The following CLSTN2 variants were observed in gnomAD, a reference collection of about 807,000 sequenced individuals.
The protein encoded by CLSTN2 is calsyntenin 2.
CLSTN2 carries 48 observed loss-of-function variants against 101.2 expected under a neutral mutation model. That is an observed-to-expected ratio of 0.47 (90% CI 0.38 to 0.60). CLSTN2 has a LOEUF of 0.60. Among genes scored for constraint, CLSTN2 ranks in the 20% least tolerant of loss-of-function variants. CLSTN2 has a pLI of 0.00. For missense variants in CLSTN2, 1,160 were observed against 1,238.2 expected (o/e 0.94, Z 0.95); for synonymous variants, 481 against 463.6 (o/e 1.04, Z -0.48).
chr3:140,013,260 T>C (rs1022494804), intron 1 of CLSTN2, among the ~76,000 whole-genome samples: 5 of 152,214 alleles, frequency 3.3e-5, no homozygotes, highest in African/African-American at 1.2e-4. Context: ...AATCCATGAA[T>C]CTAATTGTGA....
At chr3:139,943,474 A>G (rs1405912775) in intron 1 of CLSTN2, among the ~76,000 whole-genome samples, 1 of 152,042 alleles carries the variant, frequency 6.6e-6, no homozygotes, top group Non-Finnish European at 1.5e-5. Flanking sequence ...TAAGGTTTTT[A>G]AGAATAGCTT....
intron 8 of CLSTN2, among the ~76,000 whole-genome samples, chr3:140,529,489 T>G (rs1935212062): frequency 6.6e-6 from 1 of 152,226 alleles, no homozygotes; most frequent in Non-Finnish European, 1.5e-5. Flanking sequence ...TGCTGAATTT[T>G]CTTCTTTCTT....
intron 2 of CLSTN2, among the ~76,000 whole-genome samples, chr3:140,240,085 A>G (rs1376137864): frequency 3.0e-5 from 4 of 134,108 alleles, no homozygotes; most frequent in Non-Finnish European, 3.2e-5. Flanking sequence ...CATTTCCTCA[A>G]CCTCCAGCCT....
intron 1 of CLSTN2, among the ~76,000 whole-genome samples, chr3:140,045,880 A>G (rs1034674104): frequency 6.6e-6 from 1 of 152,166 alleles, no homozygotes; most frequent in African/African-American, 2.4e-5. Flanking sequence ...GTGGTCTGAG[A>G]GACAGTTTGT....
In CLSTN2 at chr3:140,575,109, A is replaced by G. The variant is rs1191040145; in HGVS notation, c.*8856A>G. On this transcript the variant is annotated 3_prime_UTR_variant, in exon 17 of 17. Coordinates refer to ENST00000458420, the MANE Select transcript of CLSTN2 (RefSeq NM_022131.3). ...TGTGGGATTCAGAAGAGGTCTGCTCATGTTCACTAGCCAAACTTTAGGTGG... is the reference window on the plus strand; with the variant it reads ...TGTGGGATTCAGAAGAGGTCTGCTCGTGTTCACTAGCCAAACTTTAGGTGG... The G allele has an allele frequency of 6.6e-6, 1 of 152,232 alleles. No homozygotes were observed. Among genetic ancestry groups the G allele is most frequent in the African/African-American group, 2.4e-5 (1 of 41,446 alleles). 9.4% of individuals were successfully genotyped at this position (152,232 alleles called of 1,614,324 possible).
chr3:140,037,789 A>T (rs1296992977), intron 1 of CLSTN2, among the ~76,000 whole-genome samples: 1 of 152,154 alleles, frequency 6.6e-6, no homozygotes, highest in Non-Finnish European at 1.5e-5. Flanking sequence ...AATTGAGAAC[A>T]TGTGGTGTTT....
chr3:140,451,433 A>G (rs1459716425), intron 6 of CLSTN2, among the ~76,000 whole-genome samples: 3 of 152,108 alleles, frequency 2.0e-5, no homozygotes, highest in Non-Finnish European at 4.4e-5. Flanking sequence ...TGGAGTTGGG[A>G]GCTGCCCTTT....
chr3:140,055,520 A>G (rs2008080643), intron 1 of CLSTN2, among the ~76,000 whole-genome samples: 1 of 152,242 alleles, frequency 6.6e-6, no homozygotes, highest in Non-Finnish European at 1.5e-5. Flanking sequence ...ACCAACCTGC[A>G]GGTTAACAAA....
At chr3:140,270,901 C>T (rs1478245831) in intron 2 of CLSTN2, among the ~76,000 whole-genome samples, 2 of 152,180 alleles carry the variant, frequency 1.3e-5, no homozygotes, top group Non-Finnish European at 2.9e-5. Flanking sequence ...TATCATCATG[C>T]TTCTCCAACA....
intron 2 of CLSTN2, among the ~76,000 whole-genome samples, chr3:140,285,785 A>G (rs1328136798): frequency 6.6e-6 from 1 of 152,160 alleles, no homozygotes; most frequent in African/African-American, 2.4e-5. Context: ...ATAAGTTGGA[A>G]CTAGAATAAT....
At chr3:139,985,035 C>T (rs1025469365) in intron 1 of CLSTN2, among the ~76,000 whole-genome samples, 15 of 152,196 alleles carry the variant, frequency 9.9e-5, no homozygotes, top group African/African-American at 3.6e-4. Context: ...CTGCCCATTT[C>T]TCTCCATCTC....
At chr3:140,336,548 A>G (rs187885094) in intron 2 of CLSTN2, among the ~76,000 whole-genome samples, 36 of 152,192 alleles carry the variant, frequency 2.4e-4, no homozygotes, top group Admixed American at 1.0e-3. Context: ...GAAGTCTCTC[A>G]CTGTTTAGCA....
intron 2 of CLSTN2, among the ~76,000 whole-genome samples, chr3:140,340,626 A>G (rs2087483003): frequency 6.6e-6 from 1 of 152,206 alleles, no homozygotes; most frequent in South Asian, 2.1e-4. Flanking sequence ...AGTGTACCCT[A>G]TTATTAACAT....
intron 2 of CLSTN2, among the ~76,000 whole-genome samples, chr3:140,250,411 C>T (rs565693752): frequency 3.5e-4 from 54 of 152,246 alleles, no homozygotes; most frequent in Admixed American, 7.2e-4. Flanking sequence ...TTTCCATGGC[C>T]GGTGGCTACA....
intron 2 of CLSTN2, among the ~76,000 whole-genome samples, chr3:140,287,100 G>T (rs762451396): frequency 1.3e-5 from 2 of 152,130 alleles, no homozygotes; most frequent in Non-Finnish European, 2.9e-5. Context: ...GAAACAATAA[G>T]ATCTATCTAG....
At chr3:140,171,368 C>T (rs549860225) in intron 1 of CLSTN2, among the ~76,000 whole-genome samples, 1 of 151,990 alleles carries the variant, frequency 6.6e-6, no homozygotes, top group South Asian at 2.1e-4. Flanking sequence ...GTCCCTGCCT[C>T]ATTAGACTGC....
At chr3:140,346,316 A>G (rs753651577) in intron 2 of CLSTN2, among the ~76,000 whole-genome samples, 15 of 152,200 alleles carry the variant, frequency 9.9e-5, no homozygotes, top group Non-Finnish European at 2.1e-4. Flanking sequence ...TCTTTTGGGT[A>G]TTCTCATTTA....
At chr3:140,547,484 G>GGAAGAA (rs906830156) in intron 10 of CLSTN2, among the ~76,000 whole-genome samples, 32 of 151,608 alleles carry the variant, frequency 2.1e-4, no homozygotes, top group African/African-American at 7.0e-4. Flanking sequence ...AAAAAAAAGA[G>GGAAGAA]GAAGAAGAAG....
At chr3:140,202,752 A>G (rs2010732763) in intron 2 of CLSTN2, among the ~76,000 whole-genome samples, 1 of 151,764 alleles carries the variant, frequency 6.6e-6, no homozygotes, top group Non-Finnish European at 1.5e-5. Flanking sequence ...GTTAGGAGGA[A>G]ACCAAGAGAG....
Sources: gnomAD v4.1 joint callset for allele counts (sites outside exome capture counted in the v4.1 genomes callset) on GRCh38, gnomAD v4.1.1 for gene constraint, MANE v1.5 for transcripts, NCBI Gene and HGNC (gene_info 2026-07-23, HGNC 2026-07-21) for gene names.